The following MBLAC1 variants were observed in gnomAD, a reference collection of about 807,000 sequenced individuals.
MBLAC1 encodes the protein metallo-beta-lactamase domain containing 1.
Under a neutral mutation model 1.5 loss-of-function variants are expected in MBLAC1, and 1 was observed. The observed-to-expected ratio is 0.68, with a 90% CI of 0.24 to 3.21. The LOEUF is 3.21. MBLAC1 is among the 30% of genes most tolerant of loss of function. The probability of loss-of-function intolerance (pLI) is 0.20; values close to 1 mark genes in which losing one functional copy is unlikely to be tolerated. For synonymous variants in MBLAC1, 197 were observed against 191.3 expected, an observed-to-expected ratio of 1.03 and a Z score of -0.25; for missense variants, 371 against 384.7, an observed-to-expected ratio of 0.96 and a Z score of 0.30.
Position 100,128,218 on chromosome 7 carries a change from C to G in MBLAC1, c.*22C>G. The G allele has an allele frequency of 6.5e-7, 1 of 1,548,420 alleles. No homozygotes were observed. On this transcript the variant is annotated 3_prime_UTR_variant, in exon 2 of 2. Coordinates refer to ENST00000398075, the MANE Select transcript of MBLAC1 (RefSeq NM_203397.3). ...CTAATCAGCCTCGAGAGGGACTGCA[C>G]TCTTGTCAGGGAAGCCCTAACAGCG...
chr7:100,127,624 C>T lies in MBLAC1; in HGVS notation c.229C>T (p.Arg77Cys), dbSNP rs1798260205. 3.6e-6 allele frequency: 5 copies of T among 1,397,510 alleles called. No homozygotes were observed. Among genetic ancestry groups the T allele is most frequent in the African/African-American group, 1.5e-5 (1 of 65,524 alleles). The allele number at this position is 1,397,510 out of a possible 1,614,324, so 86.6% of individuals were successfully genotyped here. A position where few individuals can be genotyped will look rare whatever the true frequency, so the allele number is the denominator to read the frequency against. The change falls in exon 2 of 2, where the codon CGT becomes TGT. Residue 77 changes from arginine to cysteine, a missense_variant. By Grantham distance (180) the Arg-to-Cys change is radical. Transcript: ENST00000398075. This position sits in a 1 kb window ranked among gnomAD's most constrained non-coding sequence, Gnocchi z 4.6. Reference protein sequence around the residue: ...GAEAALEEAARGPILVDTGGP... With the variant: ...GAEAALEEAACGPILVDTGGP... ...AGAGGCCGCCCTGGAGGAGGCGGCC[C>T]GTGGCCCCATCCTGGTGGACACCGG...
rs1798279139 is a variant in MBLAC1 at position 100,128,134 on chromosome 7, G to A, written c.739G>A (p.Glu247Lys). The A allele has an allele frequency of 6.2e-7, 1 of 1,606,368 alleles. No individual in the cohort carries two copies. Among genetic ancestry groups the A allele is most frequent in the South Asian group, 1.1e-5 (1 of 89,802 alleles). ...VLREASQPET[E>K]GGGNSQQEPV... ...AAGGGAAGCCTCGCAGCCCGAGACGGAGGGTGGAGGGAACAGCCAGCAGGA... is the reference window on the plus strand; with the variant it reads ...AAGGGAAGCCTCGCAGCCCGAGACGAAGGGTGGAGGGAACAGCCAGCAGGA... The change falls in exon 2 of 2, where the codon GAG (glutamate) becomes AAG (lysine). Residue 247 changes from glutamate to lysine, a missense_variant. Transcript: ENST00000398075.
rs2116914764 is a variant in MBLAC1 at position 100,127,321 on chromosome 7, C to T, written c.-28-47C>T. ...GGGGCCGAGCGCGGGTGGGGGATCG[C>T]GGAGGGACAGGACGGTCGCCCACTG... On this transcript the variant is annotated intron_variant, in intron 1 of 1. Coordinates refer to ENST00000398075, the MANE Select transcript of MBLAC1 (RefSeq NM_203397.3). This position sits in a 1 kb window ranked among gnomAD's most constrained non-coding sequence, Gnocchi z 4.6. 2.2e-6 allele frequency: 3 copies of T among 1,372,274 alleles called. No homozygotes were observed. The highest frequency in any genetic ancestry group is 2.8e-5 in the East Asian group (1 of 35,776). The allele number at this position is 1,372,274 out of a possible 1,614,324, so 85.0% of individuals were successfully genotyped here. A position where few individuals can be genotyped will look rare whatever the true frequency, so the allele number is the denominator to read the frequency against.
At position 100,128,173 on chromosome 7, in the gene MBLAC1, G is replaced by A. The variant is rs1214216720; in HGVS notation, c.778G>A (p.Asp260Asn). ...GNSQQEPVVG[D>N]EEPALH ...CAGCCAGCAGGAGCCGGTGGTCGGAGACGAGGAGCCCGCCCTGCACTAATC... is the reference window on the plus strand; with the variant it reads ...CAGCCAGCAGGAGCCGGTGGTCGGAAACGAGGAGCCCGCCCTGCACTAATC... Residue 260 changes from aspartate (D) to asparagine (N), a missense_variant, in exon 2 of 2, where the codon GAC becomes AAC. Asp to Asn is a conservative substitution (Grantham distance 23). Transcript: ENST00000398075. 6.3e-7 allele frequency: 1 copy of A among 1,597,336 alleles called. No individual in the cohort carries two copies. Among genetic ancestry groups the A allele is most frequent in the Non-Finnish European group, 8.5e-7 (1 of 1,171,976 alleles).
Position 100,128,263 on chromosome 7 carries a change from G to C in MBLAC1, c.*67G>C. 6.9e-7 allele frequency: 1 copy of C among 1,440,954 alleles called. No individual in the cohort carries two copies. Among genetic ancestry groups the C allele is most frequent in the African/African-American group, 1.4e-5 (1 of 70,758 alleles). The allele number at this position is 1,440,954 out of a possible 1,614,324, so 89.3% of individuals were successfully genotyped here. ...ACAGCGAAGAGCTGCTGGAGACAGA[G>C]TCAGAGCAGTCAAGGGTGGGAGCTT... On this transcript the variant is annotated 3_prime_UTR_variant, in exon 2 of 2. Coordinates refer to ENST00000398075, the MANE Select transcript of MBLAC1 (RefSeq NM_203397.3).
rs747859946 is a variant in MBLAC1 at position 100,128,209 on chromosome 7, G to A, written c.*13G>A. 3.8e-6 allele frequency: 6 copies of A among 1,562,392 alleles called. No individual in the cohort carries two copies. Among genetic ancestry groups the A allele is most frequent in the East Asian group, 2.3e-5 (1 of 42,670 alleles). On this transcript the variant is annotated 3_prime_UTR_variant, in exon 2 of 2. Transcript: ENST00000398075. The stretch of plus-strand genomic sequence containing the variant: ...CGCCCTGCACTAATCAGCCTCGAGA[G>A]GGACTGCACTCTTGTCAGGGAAGCC...
chr7:100,127,194 G>C lies in MBLAC1; in HGVS notation c.-29+130G>C, dbSNP rs1199203478. ...GACGCCGAGGGAGGGGCGGGCCCAAGTGTGAAGGGAGTCTGGGCGATACCA... is the reference window on the plus strand; with the variant it reads ...GACGCCGAGGGAGGGGCGGGCCCAACTGTGAAGGGAGTCTGGGCGATACCA... On this transcript the variant is annotated intron_variant, in intron 1 of 1. Coordinates refer to ENST00000398075, the MANE Select transcript of MBLAC1 (RefSeq NM_203397.3). This position sits in a 1 kb window ranked among gnomAD's most constrained non-coding sequence, Gnocchi z 4.6. 2 of 559,038 alleles carry C rather than the reference G, an allele frequency of 3.6e-6. No homozygotes were observed. The highest frequency in any genetic ancestry group is 2.2e-5 in the South Asian group (1 of 45,398). 34.6% of individuals were successfully genotyped at this position (559,038 alleles called of 1,614,324 possible). A position where few individuals can be genotyped will look rare whatever the true frequency, so the allele number is the denominator to read the frequency against.
At position 100,127,616 on chromosome 7, in the gene MBLAC1, A is replaced by G; in HGVS notation, c.221A>G (p.Glu74Gly). 7.2e-7 allele frequency: 1 copy of G among 1,393,396 alleles called. No homozygotes were observed. 86.3% of individuals were successfully genotyped at this position (1,393,396 alleles called of 1,614,324 possible). ...GGCGGCGCAGAGGCCGCCCTGGAGG[A>G]GGCGGCCCGTGGCCCCATCCTGGTG... ...GSGGAEAALE[E>G]AARGPILVDT... Residue 74 changes from glutamate to glycine, a missense_variant, in exon 2 of 2, where the codon GAG becomes GGG. By Grantham distance (98) the Glu-to-Gly change is moderately conservative. Transcript: ENST00000398075. The surrounding 1 kb of genome is among the most constrained non-coding windows in gnomAD (Gnocchi z 4.6).
rs1798235693 is a variant in MBLAC1 at position 100,127,003 on chromosome 7, T to C, written c.-90T>C. ...CACGGGAACCGCAGAGGACAAACTC[T>C]CACCCGCGTTTTCGATTTCTGCGCT... is the stretch of plus-strand genomic sequence containing the variant. On this transcript the variant is annotated 5_prime_UTR_variant, in exon 1 of 2. Transcript: ENST00000398075. The surrounding 1 kb of genome is among the most constrained non-coding windows in gnomAD (Gnocchi z 4.6). 1 of 182,068 alleles carries C rather than the reference T, an allele frequency of 5.5e-6. No individual in the cohort carries two copies. The highest frequency in any genetic ancestry group is 1.2e-5 in the Non-Finnish European group (1 of 86,906). The allele number at this position is 182,068 out of a possible 1,614,324, so 11.3% of individuals were successfully genotyped here. A position where few individuals can be genotyped will look rare whatever the true frequency, so the allele number is the denominator to read the frequency against.
rs971503464 is a variant in MBLAC1, at chr7:100,128,246, G to C, written c.*50G>C. ...TTGTCAGGGAAGCCCTAACAGCGAA[G>C]AGCTGCTGGAGACAGAGTCAGAGCA... On this transcript the variant is annotated 3_prime_UTR_variant, in exon 2 of 2. Coordinates refer to ENST00000398075, the MANE Select transcript of MBLAC1 (RefSeq NM_203397.3). 2.0e-6 allele frequency: 3 copies of C among 1,489,144 alleles called. No individual in the cohort carries two copies. The highest frequency in any genetic ancestry group is 2.7e-6 in the Non-Finnish European group (3 of 1,104,128). The allele number at this position is 1,489,144 out of a possible 1,614,324, so 92.2% of individuals were successfully genotyped here.
rs1293548241 is a variant in MBLAC1, at chr7:100,127,506, C to G, written c.111C>G (p.Ala37=). 8.9e-6 allele frequency: 14 copies of G among 1,576,086 alleles called. No individual in the cohort carries two copies. In the South Asian group the frequency reaches 1.1e-4, roughly 13 times the overall value. ...CGGAGCCAGAGGGTGTGGGCGATGC[C>G]GTGCGCGCCGACGGCTCCGTGACCC... The part of the protein sequence containing the change: ...GYAEPEGVGD[A]VRADGSVTLV... The change falls in exon 2 of 2, where the codon GCC becomes GCG. Residue 37 remains alanine, a synonymous_variant. Transcript: ENST00000398075. This position sits in a 1 kb window ranked among gnomAD's most constrained non-coding sequence, Gnocchi z 4.6.
chr7:100,128,193 C>T lies in MBLAC1; in HGVS notation c.798C>T (p.His266=). The T allele has an allele frequency of 6.3e-7, 1 of 1,582,432 alleles. No homozygotes were observed. The highest frequency in any genetic ancestry group is 8.6e-7 in the Non-Finnish European group (1 of 1,163,564). Residue 266 remains histidine (H), a synonymous_variant, in exon 2 of 2, where the codon CAC becomes CAT. Transcript: ENST00000398075. The part of the protein sequence containing the change: ...PVVGDEEPAL[H] ...TCGGAGACGAGGAGCCCGCCCTGCA[C>T]TAATCAGCCTCGAGAGGGACTGCAC...
In MBLAC1 at chr7:100,127,339, G is replaced by A; in HGVS notation, c.-28-29G>A. ...GGGATCGCGGAGGGACAGGACGGTC[G>A]CCCACTGCTCCATTTCCTTTCTCCC... On this transcript the variant is annotated intron_variant, in intron 1 of 1. Transcript: ENST00000398075. This position sits in a 1 kb window ranked among gnomAD's most constrained non-coding sequence, Gnocchi z 4.6. The A allele has an allele frequency of 2.7e-6, 4 of 1,462,994 alleles. No individual in the cohort carries two copies. The highest frequency in any genetic ancestry group is 2.6e-5 in the East Asian group (1 of 38,176). 90.6% of individuals were successfully genotyped at this position (1,462,994 alleles called of 1,614,324 possible).
In MBLAC1 at chr7:100,127,606, G is replaced by T. The variant is rs1488545199; in HGVS notation, c.211G>T (p.Ala71Ser). Residue 71 changes from alanine (A) to serine (S), a missense_variant, in exon 2 of 2, where the codon GCC (alanine) becomes TCC (serine). Transcript: ENST00000398075. The surrounding 1 kb of genome is among the most constrained non-coding windows in gnomAD (Gnocchi z 4.6). ...GCGCGGGAGTGGCGGCGCAGAGGCC[G>T]CCCTGGAGGAGGCGGCCCGTGGCCC... The part of the protein sequence containing the change: ...SPRGSGGAEA[A>S]LEEAARGPIL... 3 of 1,398,696 alleles carry T rather than the reference G, an allele frequency of 2.1e-6. No homozygotes were observed. The highest frequency in any genetic ancestry group is 1.6e-5 in the South Asian group (1 of 62,672). 86.6% of individuals were successfully genotyped at this position (1,398,696 alleles called of 1,614,324 possible). A position where few individuals can be genotyped will look rare whatever the true frequency, so the allele number is the denominator to read the frequency against.
At position 100,127,809 on chromosome 7, in the gene MBLAC1, C is replaced by G. The variant is rs1170288726; in HGVS notation, c.414C>G (p.Cys138Trp). Reference sequence around the variant, plus strand: ...CTCTGCTGGTCTCGCACGACTTCTGCCTTCCCGGAGGCCGCTACCTGCCCC... The same window carrying G: ...CTCTGCTGGTCTCGCACGACTTCTGGCTTCCCGGAGGCCGCTACCTGCCCC... ...GAALLVSHDFCLPGGRYLPHG... is the reference protein window; with the variant it reads ...GAALLVSHDFWLPGGRYLPHG... Residue 138 changes from cysteine (C) to tryptophan (W), a missense_variant, in exon 2 of 2, where the codon TGC becomes TGG. Coordinates refer to ENST00000398075, the MANE Select transcript of MBLAC1 (RefSeq NM_203397.3). This position sits in a 1 kb window ranked among gnomAD's most constrained non-coding sequence, Gnocchi z 4.6. The G allele has an allele frequency of 8.9e-6, 14 of 1,577,534 alleles. No individual in the cohort carries two copies. In the African/African-American group the frequency reaches 1.9e-4, roughly 21 times the overall value.
chr7:100,128,420 C>A lies in MBLAC1; in HGVS notation c.*224C>A. On this transcript the variant is annotated 3_prime_UTR_variant, in exon 2 of 2. Coordinates refer to ENST00000398075, the MANE Select transcript of MBLAC1 (RefSeq NM_203397.3). ...GGAGGGGCTCAGCTCCCTGTGCATT[C>A]TCCCTGGGCCTCAGTAAAATGGGAG... 2.0e-6 allele frequency: 1 copy of A among 505,662 alleles called. No individual in the cohort carries two copies. Among genetic ancestry groups the A allele is most frequent in the Non-Finnish European group, 3.6e-6 (1 of 279,706 alleles). The allele number at this position is 505,662 out of a possible 1,614,324, so 31.3% of individuals were successfully genotyped here.
At position 100,127,731 on chromosome 7, in the gene MBLAC1, G is replaced by T; in HGVS notation, c.336G>T (p.Gly112=). Reference sequence around the variant, plus strand: ...CGGGAGACGTGACGCTAGTGGTGGGGACCCACGGGCACTCGGATCACATCG... The same window carrying T: ...CGGGAGACGTGACGCTAGTGGTGGGTACCCACGGGCACTCGGATCACATCG... ...VAPGDVTLVV[G]THGHSDHIGN... is the part of the protein sequence containing the mutation. The change falls in exon 2 of 2, where the codon GGG becomes GGT. Residue 112 remains glycine (G), a synonymous_variant. Transcript: ENST00000398075. The surrounding 1 kb of genome is among the most constrained non-coding windows in gnomAD (Gnocchi z 4.6). 1 of 1,496,900 alleles carries T rather than the reference G, an allele frequency of 6.7e-7. No individual in the cohort carries two copies. The highest frequency in any genetic ancestry group is 8.9e-7 in the Non-Finnish European group (1 of 1,124,714). The allele number at this position is 1,496,900 out of a possible 1,614,324, so 92.7% of individuals were successfully genotyped here. A position where few individuals can be genotyped will look rare whatever the true frequency, so the allele number is the denominator to read the frequency against.
At position 100,127,734 on chromosome 7, in the gene MBLAC1, C is replaced by G. The variant is rs1253335880; in HGVS notation, c.339C>G (p.Thr113=). 3 of 1,501,698 alleles carry G rather than the reference C, an allele frequency of 2.0e-6. No homozygotes were observed. In the Admixed American group the frequency reaches 6.8e-5, roughly 34 times the overall value. 93.0% of individuals were successfully genotyped at this position (1,501,698 alleles called of 1,614,324 possible). The change falls in exon 2 of 2, where the codon ACC becomes ACG. Residue 113 remains threonine, a synonymous_variant. Transcript: ENST00000398075. The surrounding 1 kb of genome is among the most constrained non-coding windows in gnomAD (Gnocchi z 4.6). The part of the protein sequence containing the change: ...APGDVTLVVG[T]HGHSDHIGNL... ...GAGACGTGACGCTAGTGGTGGGGAC[C>G]CACGGGCACTCGGATCACATCGGGA...
chr7:100,128,371 C>G lies in MBLAC1; in HGVS notation c.*175C>G. 1.6e-6 allele frequency: 1 copy of G among 615,786 alleles called. No homozygotes were observed. Among genetic ancestry groups the G allele is most frequent in the Non-Finnish European group, 2.9e-6 (1 of 345,382 alleles). The allele number at this position is 615,786 out of a possible 1,614,324, so 38.1% of individuals were successfully genotyped here. ...TCACATCGTCAGTATCACTGCCTGT[C>G]TCTGCCACCAAACTAAGATCAAAGG... On this transcript the variant is annotated 3_prime_UTR_variant, in exon 2 of 2. Transcript: ENST00000398075.
Sources: allele counts gnomAD v4.1 joint callset, GRCh38; gene constraint gnomAD v4.1.1; non-coding constraint Gnocchi (gnomAD v3.1); transcripts MANE v1.5; gene names NCBI Gene and HGNC (gene_info 2026-07-23, HGNC 2026-07-21).